Variants in ARHGAP24 observed in about 807,000 individuals in gnomAD.
ARHGAP24 encodes the protein Rho GTPase activating protein 24.
ARHGAP24 carries 50 observed loss-of-function variants against 76.4 expected under a neutral mutation model. The observed-to-expected ratio is 0.65, with a 90% CI of 0.52 to 0.83. The LOEUF (loss-of-function observed/expected upper bound fraction) is 0.83. Ranked by LOEUF, ARHGAP24 falls within the 40% of genes least tolerant of loss-of-function variation. The pLI is 0.00. For synonymous variants in ARHGAP24, 345 were observed against 323.3 expected (o/e 1.07, Z -0.72); for missense variants, 930 against 914.2 (o/e 1.02, Z -0.22).
At chr4:85,525,085 G>A (rs944351791) in intron 1 of ARHGAP24, among the ~76,000 whole-genome samples, 3 of 152,032 alleles carry the variant, frequency 2.0e-5, no homozygotes, top group Admixed American at 1.3e-4. Flanking sequence ...ACATAGTTTA[G>A]TTGGGTTTCA....
intron 3 of ARHGAP24, among the ~76,000 whole-genome samples, chr4:85,856,324 A>C (rs1414411754): frequency 6.6e-6 from 1 of 152,138 alleles, no homozygotes; most frequent in Non-Finnish European, 1.5e-5. Context: ...ATGTATAAAA[A>C]CATATAGATC....
intron 1 of ARHGAP24, among the ~76,000 whole-genome samples, chr4:85,486,776 A>G (rs1439831414): frequency 6.6e-6 from 1 of 152,180 alleles, no homozygotes; most frequent in African/African-American, 2.4e-5. Flanking sequence ...GTAACTAAAC[A>G]TTGCTTGAGT....
chr4:85,513,853 T>C (rs1336008107), intron 1 of ARHGAP24, among the ~76,000 whole-genome samples: 4 of 152,210 alleles, frequency 2.6e-5, no homozygotes, highest in Admixed American at 6.5e-5. Context: ...GGTTTGCCTG[T>C]AGTTTTGTTG....
chr4:85,815,618 C>T (rs1366632908), intron 3 of ARHGAP24, among the ~76,000 whole-genome samples: 1 of 152,234 alleles, frequency 6.6e-6, no homozygotes, highest in African/African-American at 2.4e-5. Flanking sequence ...GTCCATATGG[C>T]TATCAGACTT....
In ARHGAP24 at chr4:85,475,751, AT is replaced by A. The variant is rs1389887962; in HGVS notation, c.-21+193del. Among the ~76,000 whole-genome samples the A allele has an allele frequency of 3.4e-5, 5 of 147,160 alleles. No homozygotes were observed. In the East Asian group the frequency reaches 1.0e-3, roughly 30 times the overall value. ...CGGGGGGCGGGGAGGGATCGCAGGA[AT>A]CCCGTGCTGATGTAGCCTGTCTGTG... On this transcript the variant is annotated intron_variant, in intron 1 of 9. Coordinates refer to ENST00000395184, the MANE Select transcript of ARHGAP24 (RefSeq NM_001025616.3).
chr4:85,709,499 T>A (rs1039016265), intron 2 of ARHGAP24, among the ~76,000 whole-genome samples: 1 of 151,882 alleles, frequency 6.6e-6, no homozygotes, highest in Non-Finnish European at 1.5e-5. Flanking sequence ...AGTATCTTGT[T>A]AAAAAAAACC....
At chr4:85,977,509 T>C in intron 7 of ARHGAP24, 61 bp from the exon 8 acceptor site, 4 of 1,582,982 alleles carry the variant, frequency 2.5e-6, no homozygotes, top group Non-Finnish European at 2.6e-6. Context: ...TAATGATCGA[T>C]TTTTCTTCCA....
chr4:85,608,542 TG>T (rs1297274269), intron 2 of ARHGAP24, among the ~76,000 whole-genome samples: 1 of 143,618 alleles, frequency 7.0e-6, no homozygotes, highest in Admixed American at 7.6e-5. Context: ...AATGTTTTTT[TG>T]TTTGGTTGTT....
intron 5 of ARHGAP24, among the ~76,000 whole-genome samples, chr4:85,965,387 A>T (rs915920808): frequency 9.9e-5 from 15 of 152,114 alleles, no homozygotes; most frequent in African/African-American, 3.6e-4. Flanking sequence ...GGGAATTATG[A>T]GAGCTACAAG....
intron 1 of ARHGAP24, among the ~76,000 whole-genome samples, chr4:85,475,771 G>C (rs1450479958): frequency 6.7e-6 from 1 of 148,850 alleles, no homozygotes; most frequent in Admixed American, 6.6e-5. Flanking sequence ...GATGTAGCCT[G>C]TCTGTGTTTG....
At chr4:85,588,733 A>G (rs1026172083) in intron 2 of ARHGAP24, among the ~76,000 whole-genome samples, 1 of 152,220 alleles carries the variant, frequency 6.6e-6, no homozygotes, top group South Asian at 2.1e-4. Flanking sequence ...ATAAGTAATT[A>G]AGAGTTTAAA....
intron 7 of ARHGAP24, 67 bp from the exon 8 acceptor site, chr4:85,977,503 G>T: frequency 6.4e-7 from 1 of 1,555,940 alleles, no homozygotes; most frequent in Non-Finnish European, 8.8e-7. Flanking sequence ...ATTTTCTAAT[G>T]ATCGATTTTT....
intron 3 of ARHGAP24, among the ~76,000 whole-genome samples, chr4:85,808,652 G>A (rs1728889576): frequency 6.6e-6 from 1 of 152,132 alleles, no homozygotes; most frequent in Non-Finnish European, 1.5e-5. Flanking sequence ...GGAAGATCAA[G>A]ATAAATTATC....
At chr4:85,838,158 A>G (rs28625743) in intron 3 of ARHGAP24, among the ~76,000 whole-genome samples, 1,687 of 152,338 alleles carry the variant, frequency 0.011, 30 homozygotes, top group African/African-American at 0.038. Context: ...GAAATTGTGC[A>G]GATGAGGAAG....
chr4:85,632,094 A>C (rs750286510), intron 2 of ARHGAP24, among the ~76,000 whole-genome samples: 1 of 151,586 alleles, frequency 6.6e-6, no homozygotes. Flanking sequence ...TATTTTACAG[A>C]CCATTTAGCT....
intron 3 of ARHGAP24, among the ~76,000 whole-genome samples, chr4:85,824,040 A>C (rs184448318): frequency 1.6e-4 from 25 of 152,282 alleles, no homozygotes; most frequent in Admixed American, 1.3e-3. Flanking sequence ...AAAAAACACA[A>C]TTATATTTAG....
chr4:85,913,594 T>G lies in ARHGAP24; in HGVS notation c.269-10054T>G, dbSNP rs577882591. On this transcript the variant is annotated intron_variant, in intron 3 of 9. Coordinates refer to ENST00000395184, the MANE Select transcript of ARHGAP24 (RefSeq NM_001025616.3). ...CAAATGTATGCCTTTGGTCTAGACC[T>G]CTCCCGTAAACTCCAGCCTTTGTTT... is the stretch of plus-strand genomic sequence containing the variant. Among the ~76,000 whole-genome samples the G allele has an allele frequency of 2.2e-4, 33 of 152,174 alleles. 1 individual carries two copies. In the South Asian group the frequency reaches 6.8e-3, roughly 32 times the overall value.
intron 8 of ARHGAP24, among the ~76,000 whole-genome samples, chr4:85,979,023 C>T (rs1739490986): frequency 6.6e-6 from 1 of 152,116 alleles, no homozygotes; most frequent in Non-Finnish European, 1.5e-5. Context: ...TGTTATTTCA[C>T]TTGTAGAGTT....
At chr4:85,610,543 C>T (rs1262784910) in intron 2 of ARHGAP24, among the ~76,000 whole-genome samples, 2 of 86,352 alleles carry the variant, frequency 2.3e-5, no homozygotes, top group African/African-American at 4.7e-5. Flanking sequence ...GAATCACCAA[C>T]AGAAATAGAC....
Sources: allele counts gnomAD v4.1 joint callset (sites outside exome capture counted in the v4.1 genomes callset), GRCh38; gene constraint gnomAD v4.1.1; transcripts MANE v1.5; gene names NCBI Gene and HGNC (gene_info 2026-07-23, HGNC 2026-07-21).